The following HSD17B12 variants were observed in gnomAD, a reference collection of about 807,000 sequenced individuals.
HSD17B12 encodes very-long-chain 3-oxoacyl-CoA reductase.
Under a neutral mutation model 39.3 loss-of-function variants are expected in HSD17B12, and 32 were observed. The observed-to-expected ratio is 0.81, with a 90% CI of 0.61 to 1.09. The LOEUF is 1.09. Among genes scored for constraint, HSD17B12 ranks in the 50% least tolerant of loss-of-function variants. The pLI is 0.00. For missense variants in HSD17B12, 342 were observed against 382.9 expected (o/e 0.89, Z 0.89); for synonymous variants, 150 against 146.7 (o/e 1.02, Z -0.16).
chr11:43,684,936 A>G (rs1216708177), intron 1 of HSD17B12, among the ~76,000 whole-genome samples: 2 of 152,242 alleles, frequency 1.3e-5, no homozygotes, highest in African/African-American at 4.8e-5. Flanking sequence ...TGGATATTTC[A>G]TATAAATGGA....
intron 7 of HSD17B12, among the ~76,000 whole-genome samples, chr11:43,837,563 T>C (rs975959120): frequency 2.0e-5 from 3 of 152,224 alleles, no homozygotes; most frequent in Admixed American, 2.0e-4. Context: ...TAGAAATTCC[T>C]GGTAACTTTG....
At chr11:43,748,064 A>G (rs1412122092) in intron 1 of HSD17B12, among the ~76,000 whole-genome samples, 1 of 152,218 alleles carries the variant, frequency 6.6e-6, no homozygotes, top group Non-Finnish European at 1.5e-5. Flanking sequence ...TGTATCCATC[A>G]CTTATGAAAT....
chr11:43,647,209 C>A, the HSD17B12 span, among the ~76,000 whole-genome samples: 1 of 152,078 alleles, frequency 6.6e-6, no homozygotes, highest in African/African-American at 2.4e-5. Context: ...CTGTTTGGGG[C>A]CTTTACTCAG....
chr11:43,777,868 A>C (rs1428857406), intron 3 of HSD17B12, among the ~76,000 whole-genome samples: 1 of 152,206 alleles, frequency 6.6e-6, no homozygotes, highest in African/African-American at 2.4e-5. Flanking sequence ...CTAAATGCCC[A>C]CAAGAGAAAG....
At chr11:43,794,027 G>C (rs1950893389) in intron 3 of HSD17B12, among the ~76,000 whole-genome samples, 2 of 152,060 alleles carry the variant, frequency 1.3e-5, no homozygotes, top group African/African-American at 4.8e-5. Flanking sequence ...CTAGTTAGTT[G>C]ACTGCCTCGA....
intron 4 of HSD17B12, among the ~76,000 whole-genome samples, chr11:43,799,374 A>AT (rs924701828): frequency 5.6e-4 from 85 of 151,274 alleles, no homozygotes; most frequent in African/African-American, 1.3e-3. Flanking sequence ...TCAGTCTTGT[A>AT]TTTTTTTTTC....
At chr11:43,580,851 G>C in the HSD17B12 span, among the ~76,000 whole-genome samples, 1 of 152,072 alleles carries the variant, frequency 6.6e-6, no homozygotes, top group Non-Finnish European at 1.5e-5. Flanking sequence ...CTTCTGATTG[G>C]TGGGTGACGA....
At chr11:43,770,259 C>T (rs545863538) in intron 3 of HSD17B12, among the ~76,000 whole-genome samples, 1 of 152,320 alleles carries the variant, frequency 6.6e-6, no homozygotes, top group South Asian at 2.1e-4. Flanking sequence ...TGAAAATTTA[C>T]AGGATCTGTT....
intron 3 of HSD17B12, among the ~76,000 whole-genome samples, chr11:43,795,858 A>G (rs1272236292): frequency 6.6e-6 from 1 of 152,116 alleles, no homozygotes; most frequent in Non-Finnish European, 1.5e-5. Flanking sequence ...AGTGTATTAG[A>G]AGGTGGTAAG....
At chr11:43,646,740 T>C in the HSD17B12 span, among the ~76,000 whole-genome samples, 4 of 152,160 alleles carry the variant, frequency 2.6e-5, no homozygotes, top group African/African-American at 4.8e-5. Flanking sequence ...TACAAAGTGG[T>C]GAGGTTTTTG....
At chr11:43,736,192 T>C (rs960767011) in intron 1 of HSD17B12, among the ~76,000 whole-genome samples, 3 of 152,204 alleles carry the variant, frequency 2.0e-5, no homozygotes, top group African/African-American at 7.2e-5. Context: ...GAAGGCATTT[T>C]TGGGTTATGG....
chr11:43,820,732 A>T (rs1006433813), intron 6 of HSD17B12, among the ~76,000 whole-genome samples: 3 of 152,238 alleles, frequency 2.0e-5, no homozygotes, highest in Non-Finnish European at 4.4e-5. Flanking sequence ...GACAGGGAAT[A>T]ACTGGCTGAG....
At chr11:43,680,567 A>C, upstream of HSD17B12, 57 of 465,918 alleles carry the variant, frequency 1.2e-4, no homozygotes, top group East Asian at 2.6e-4. Context: ...CACTGGCGGA[A>C]CCCCGGGGGA....
At chr11:43,619,376 A>ACTTTTT in the HSD17B12 span, among the ~76,000 whole-genome samples, 1 of 137,064 alleles carries the variant, frequency 7.3e-6, no homozygotes, top group African/African-American at 2.6e-5. Flanking sequence ...AAGCCAATGC[A>ACTTTTT]CTTTTTCTTT....
At chr11:43,797,325 C>T (rs1346525930) in intron 3 of HSD17B12, among the ~76,000 whole-genome samples, 1 of 152,200 alleles carries the variant, frequency 6.6e-6, no homozygotes, top group Non-Finnish European at 1.5e-5. Flanking sequence ...AAAGAATAAG[C>T]ATTCCTAGCT....
At chr11:43,845,532 TTAA>T (rs1951467151) in intron 9 of HSD17B12, among the ~76,000 whole-genome samples, 8 of 152,216 alleles carry the variant, frequency 5.3e-5, no homozygotes, top group Admixed American at 4.6e-4. Flanking sequence ...GTGACATTTT[TTAA>T]GAGTACAGTA....
chr11:43,556,760 C>T, the HSD17B12 span: 2 of 143,728 alleles, frequency 1.4e-5, no homozygotes, highest in Non-Finnish European at 3.0e-5. Context: ...AACTGTTTTG[C>T]TTTGCTCTGG....
At chr11:43,579,886 C>G in the HSD17B12 span, among the ~76,000 whole-genome samples, 1 of 151,974 alleles carries the variant, frequency 6.6e-6, no homozygotes, top group Non-Finnish European at 1.5e-5. Context: ...TGCGCGCGCG[C>G]GCGCCCGCCC....
At chr11:43,836,675 T>C (rs1203764918) in intron 7 of HSD17B12, among the ~76,000 whole-genome samples, 1 of 152,086 alleles carries the variant, frequency 6.6e-6, no homozygotes, top group Non-Finnish European at 1.5e-5. Context: ...ATATTACAAA[T>C]TAATACTAAA....
Sources: gnomAD v4.1 joint callset for allele counts (sites outside exome capture counted in the v4.1 genomes callset) on GRCh38, gnomAD v4.1.1 for gene constraint, MANE v1.5 for transcripts, NCBI Gene and HGNC (gene_info 2026-07-23, HGNC 2026-07-21) for gene names.